ILKAP: variants seen among roughly 807,000 people sequenced by gnomAD.
ILKAP encodes ILK associated serine/threonine phosphatase, also known as integrin-linked kinase-associated serine/threonine phosphatase 2C.
In ILKAP, 11 loss-of-function variants were observed where a neutral mutation model predicts 49.1. The ratio of observed to expected loss-of-function variants is 0.22; its 90% CI spans 0.14 to 0.37. The LOEUF (loss-of-function observed/expected upper bound fraction) is 0.37, where lower values mean the gene tolerates loss of function less well. Among genes scored for constraint, ILKAP ranks in the 10% least tolerant of loss-of-function variants. ILKAP has a pLI of 1.00. For missense variants in ILKAP, 363 were observed against 510.8 expected, an observed-to-expected ratio of 0.71 and a Z score of 2.79; for synonymous variants, 186 against 192.8, an observed-to-expected ratio of 0.96 and a Z score of 0.29.
chr2:238,190,877 TAAAAAAA>T (rs57511265), intron 3 of ILKAP, among the ~76,000 whole-genome samples: 1,902 of 95,150 alleles, frequency 0.02, 46 homozygotes, highest in African/African-American at 0.075. Flanking sequence ...CGTTTCTCTT[TAAAAAAA>T]AAAAAAAAAA....
At chr2:238,197,936 T>C (rs1048506864) in intron 1 of ILKAP, among the ~76,000 whole-genome samples, 2 of 152,178 alleles carry the variant, frequency 1.3e-5, no homozygotes, top group African/African-American at 2.4e-5. Context: ...GTCAATTACC[T>C]GTTCAAGATC....
At chr2:238,184,184 G>C (rs1326043980) in intron 6 of ILKAP, 71 bp from the exon 7 acceptor site, 2 of 924,832 alleles carry the variant, frequency 2.2e-6, no homozygotes, top group Non-Finnish European at 3.5e-6. Flanking sequence ...CTGTCATTTT[G>C]GTTTGTTTTT....
chr2:238,172,590 T>C (rs1693272853), intron 10 of ILKAP, among the ~76,000 whole-genome samples: 1 of 152,194 alleles, frequency 6.6e-6, no homozygotes, highest in Non-Finnish European at 1.5e-5. Context: ...GGAGAGATGA[T>C]GGAGGACCCC....
rs992263871 is a variant in ILKAP at position 238,190,887 on chromosome 2, A to C, written c.179-915T>G. Reference sequence around the variant, plus strand: ...TAAGACGTTTCTCTTTAAAAAAAAAAAAAAAAAAAAAAAAAAAAGGATGCA... The same window carrying C: ...TAAGACGTTTCTCTTTAAAAAAAAACAAAAAAAAAAAAAAAAAAGGATGCA... On this transcript the variant is annotated intron_variant, in intron 3 of 11. Transcript: ENST00000254654. Among the ~76,000 whole-genome samples, 293 of 150,204 alleles carry C rather than the reference A, an allele frequency of 2.0e-3. 1 individual carries two copies. Among genetic ancestry groups the C allele is most frequent in the African/African-American group, 6.9e-3 (282 of 40,584 alleles).
At chr2:238,172,161 C>T (rs1005743597) in intron 10 of ILKAP, among the ~76,000 whole-genome samples, 10 of 152,186 alleles carry the variant, frequency 6.6e-5, no homozygotes, top group African/African-American at 2.4e-4. Context: ...AAGTGATTCT[C>T]CTGCCTCAGC....
intron 10 of ILKAP, among the ~76,000 whole-genome samples, chr2:238,172,296 C>A (rs1315481275): frequency 6.6e-6 from 1 of 152,182 alleles, no homozygotes; most frequent in African/African-American, 2.4e-5. Context: ...AGGTGATCCA[C>A]CTGCCTCCGC....
chr2:238,172,663 G>T (rs974201016), intron 10 of ILKAP, among the ~76,000 whole-genome samples: 20 of 152,210 alleles, frequency 1.3e-4, no homozygotes, highest in African/African-American at 4.6e-4. Flanking sequence ...AGTGGCTCAA[G>T]ACAAGGCCAA....
At chr2:238,179,684 C>T (rs1221839604) in intron 9 of ILKAP, among the ~76,000 whole-genome samples, 1 of 152,088 alleles carries the variant, frequency 6.6e-6, no homozygotes, top group Non-Finnish European at 1.5e-5. Flanking sequence ...ACATTATGTG[C>T]CTACTGAAGT....
At chr2:238,191,724 A>G (rs1190835848) in intron 3 of ILKAP, among the ~76,000 whole-genome samples, 5 of 152,010 alleles carry the variant, frequency 3.3e-5, no homozygotes, top group African/African-American at 1.2e-4. Flanking sequence ...CCTGACCAAC[A>G]TGGCGAAACC....
chr2:238,171,153 C>CT, intron 10 of ILKAP, 129 bp from the exon 11 acceptor site: 7 of 509,172 alleles, frequency 1.4e-5, no homozygotes, highest in Non-Finnish European at 1.0e-5. Flanking sequence ...TTTTTTTTTT[C>CT]TTTTTTCTTT....
At chr2:238,172,315 G>C (rs1035918295) in intron 10 of ILKAP, among the ~76,000 whole-genome samples, 1 of 152,234 alleles carries the variant, frequency 6.6e-6, no homozygotes, top group African/African-American at 2.4e-5. Flanking sequence ...GCCTCCCAAA[G>C]TGTTGGGATT....
At chr2:238,189,272 G>A (rs1400625608) in intron 4 of ILKAP, among the ~76,000 whole-genome samples, 1 of 151,770 alleles carries the variant, frequency 6.6e-6, no homozygotes, top group African/African-American at 2.4e-5. Flanking sequence ...CCGAGATGGT[G>A]CCACTCCAGC....
intron 6 of ILKAP, 71 bp downstream of exon 6, chr2:238,185,110 G>A (rs371329117): frequency 1.8e-5 from 17 of 927,548 alleles, no homozygotes; most frequent in African/African-American, 1.3e-4. Flanking sequence ...TAACACATCT[G>A]ACTGCTTCAC....
At position 238,170,522 on chromosome 2, in the gene ILKAP, C is replaced by T; in HGVS notation, c.*14G>A. On this transcript the variant is annotated 3_prime_UTR_variant, in exon 12 of 12. Transcript: ENST00000254654. ...AAGTCAATACCATGCGTGCTCCTGGCCGCGCGCCACCCCTCAGTGCCCTAT... is the reference window on the plus strand; with the variant it reads ...AAGTCAATACCATGCGTGCTCCTGGTCGCGCGCCACCCCTCAGTGCCCTAT... 6.3e-7 allele frequency: 1 copy of T among 1,581,148 alleles called. No individual in the cohort carries two copies. The highest frequency in any genetic ancestry group is 8.6e-7 in the Non-Finnish European group (1 of 1,158,510).
At chr2:238,200,622 G>C (rs528042346) in intron 1 of ILKAP, among the ~76,000 whole-genome samples, 2 of 152,270 alleles carry the variant, frequency 1.3e-5, no homozygotes, top group Admixed American at 1.3e-4. Flanking sequence ...AGGAGTTCGA[G>C]AGCAGCCTGG....
chr2:238,188,056 C>G, intron 5 of ILKAP, 75 bp downstream of exon 5: 2 of 1,517,812 alleles, frequency 1.3e-6, no homozygotes, highest in East Asian at 2.3e-5. Context: ...TAAATACAAA[C>G]TAGCCAGTCC....
chr2:238,194,844 G>T lies in ILKAP; in HGVS notation c.82C>A (p.Leu28Ile), dbSNP rs759216224. ...AGKEAQKGPL[L>I]FDDLPPASST... ...CTGGCCGGAGGGAGGTCATCAAAGA[G>T]CAGGGGTCCTTTCTGAGCTTCTTTC... The change falls in exon 2 of 12, where the codon CTC becomes ATC. Residue 28 changes from leucine to isoleucine, a missense_variant. This residue lies in a region of ILKAP where 114 missense variants were observed against 116.0 expected (regional missense o/e 0.98). Coordinates refer to ENST00000254654, the MANE Select transcript of ILKAP (RefSeq NM_030768.3). 1 of 1,614,104 alleles carries T rather than the reference G, an allele frequency of 6.2e-7. No individual in the cohort carries two copies. Among genetic ancestry groups the T allele is most frequent in the Non-Finnish European group, 8.5e-7 (1 of 1,179,960 alleles).
intron 3 of ILKAP, 151 bp downstream of exon 3, chr2:238,194,124 A>T: frequency 1.7e-6 from 1 of 592,910 alleles, no homozygotes; most frequent in Non-Finnish European, 3.0e-6. Flanking sequence ...GCTTCCAATT[A>T]ATGTGCCTGT....
chr2:238,174,755 T>C (rs959591507), intron 9 of ILKAP, among the ~76,000 whole-genome samples: 11 of 152,102 alleles, frequency 7.2e-5, no homozygotes, highest in East Asian at 3.9e-4. Flanking sequence ...AACTGTTAAA[T>C]AGCAAGAGGA....
Sources: gnomAD v4.1 joint callset for allele counts (sites outside exome capture counted in the v4.1 genomes callset) on GRCh38, gnomAD v4.1.1 for gene constraint, gnomAD v4.1.1 regional missense constraint, MANE v1.5 for transcripts, NCBI Gene and HGNC (gene_info 2026-07-23, HGNC 2026-07-21) for gene names.